TLL2: variants seen among roughly 807,000 people sequenced by gnomAD.
TLL2 encodes tolloid-like protein 2.
In TLL2, 106 loss-of-function variants were observed where a neutral mutation model predicts 123.0. The ratio of observed to expected loss-of-function variants is 0.86; its 90% CI spans 0.74 to 1.01. TLL2 has a LOEUF of 1.01. Among genes scored for constraint, TLL2 ranks in the 50% least tolerant of loss-of-function variants. The probability of loss-of-function intolerance (pLI) is 0.00; values close to 1 mark genes in which losing one functional copy is unlikely to be tolerated. For synonymous variants in TLL2, 494 were observed against 516.8 expected (o/e 0.96, Z 0.60); for missense variants, 1,332 against 1,336.7 (o/e 1.00, Z 0.06).
chr10:96,399,134 G>C (rs1213703938), intron 10 of TLL2, among the ~76,000 whole-genome samples: 1 of 152,116 alleles, frequency 6.6e-6, no homozygotes, highest in African/African-American at 2.4e-5. Flanking sequence ...GCTTCCCAAA[G>C]TGCTGGGTTT....
At chr10:96,410,559 A>T in intron 8 of TLL2, 85 bp from the exon 9 acceptor site, 2 of 1,058,626 alleles carry the variant, frequency 1.9e-6, no homozygotes, top group South Asian at 1.3e-5. Context: ...CGGAGCAAAC[A>T]TACCCCTTTG....
intron 2 of TLL2, among the ~76,000 whole-genome samples, chr10:96,447,852 C>A (rs1269836721): frequency 1.3e-5 from 2 of 152,110 alleles, no homozygotes; most frequent in Non-Finnish European, 1.5e-5. Context: ...AATGTTTAAC[C>A]CAGGGTTGCC....
At chr10:96,495,417 C>T (rs1454577777) in intron 1 of TLL2, among the ~76,000 whole-genome samples, 3 of 152,002 alleles carry the variant, frequency 2.0e-5, no homozygotes, top group East Asian at 1.9e-4. Context: ...AAAAGTTAAT[C>T]GGCTTAAAGT....
intron 2 of TLL2, among the ~76,000 whole-genome samples, chr10:96,451,204 C>G (rs1040266459): frequency 6.6e-6 from 1 of 152,202 alleles, no homozygotes; most frequent in African/African-American, 2.4e-5. Context: ...TTCTAATTCA[C>G]CATATAATTC....
chr10:96,453,858 TG>T (rs1846984415), intron 2 of TLL2, among the ~76,000 whole-genome samples: 1 of 152,180 alleles, frequency 6.6e-6, no homozygotes, highest in African/African-American at 2.4e-5. Context: ...TTATCTCTGG[TG>T]GTGACTCTGG....
At chr10:96,396,438 C>T (rs1214757597) in intron 11 of TLL2, among the ~76,000 whole-genome samples, 2 of 152,246 alleles carry the variant, frequency 1.3e-5, no homozygotes, top group South Asian at 2.1e-4. Context: ...CGCACACGTG[C>T]ACACATGCGC....
At chr10:96,426,625 G>A (rs1846680016) in intron 5 of TLL2, among the ~76,000 whole-genome samples, 2 of 152,116 alleles carry the variant, frequency 1.3e-5, no homozygotes, top group Admixed American at 1.3e-4. Flanking sequence ...TTACCTTGAA[G>A]ACTTTCACAT....
At chr10:96,428,499 GA>G (rs1414994646) in intron 5 of TLL2, 131 bp downstream of exon 5, 1 of 642,314 alleles carries the variant, frequency 1.6e-6, no homozygotes, top group African/African-American at 1.9e-5. Flanking sequence ...ACCAAGGGCA[GA>G]AAGTTTCTAG....
At chr10:96,421,664 A>T (rs1254438655) in intron 6 of TLL2, among the ~76,000 whole-genome samples, 2 of 62,338 alleles carry the variant, frequency 3.2e-5, no homozygotes, top group Non-Finnish European at 7.7e-5. Context: ...ACTCTGTCTC[A>T]AAAAAAAAAA....
intron 2 of TLL2, among the ~76,000 whole-genome samples, chr10:96,467,646 CA>C (rs1847143412): frequency 6.6e-6 from 1 of 152,146 alleles, no homozygotes; most frequent in African/African-American, 2.4e-5. Context: ...TTGGAGGCTA[CA>C]TAAGTAAAAA....
intron 5 of TLL2, 22 bp from the exon 6 acceptor site, chr10:96,422,749 C>T (rs1278228302): frequency 1.2e-6 from 2 of 1,613,510 alleles, no homozygotes; most frequent in Non-Finnish European, 8.5e-7. Context: ...CAGGAATACC[C>T]AGGTCAGCAG....
rs113615659 is a variant in TLL2, at chr10:96,436,690, C to CT, written c.365-3729dup. On this transcript the variant is annotated intron_variant, in intron 3 of 20. Coordinates refer to ENST00000357947, the MANE Select transcript of TLL2 (RefSeq NM_012465.4). ...TTGTCTGATATAAATATTGCTATAC[C>CT]TTTTTTTTTTTCTGAGTCAGGGTCT... is the stretch of plus-strand genomic sequence containing the variant. 9.0e-3 allele frequency among the ~76,000 whole-genome samples: 1,329 copies of CT among 146,864 alleles called. 15 individuals carry two copies. The highest frequency in any genetic ancestry group is 0.03 in the African/African-American group (1,195 of 40,278).
intron 13 of TLL2, among the ~76,000 whole-genome samples, chr10:96,393,667 C>T (rs1224864990): frequency 6.6e-6 from 1 of 152,152 alleles, no homozygotes; most frequent in Non-Finnish European, 1.5e-5. Flanking sequence ...GTCATATCTT[C>T]CCTGTGCAAT....
chr10:96,459,686 AAAAAAAAAAAAAAAAAAAAATATAT>A (rs1365466449), intron 2 of TLL2, among the ~76,000 whole-genome samples: 4 of 56,984 alleles, frequency 7.0e-5, no homozygotes, highest in Admixed American at 2.3e-4. Context: ...AAAAAAAAAA[AAAAAAAAAAAAAAAAAAAAATATAT>A]ATATATATAT....
chr10:96,385,904 A>T (rs894949203), intron 15 of TLL2, 151 bp downstream of exon 15: 8 of 739,466 alleles, frequency 1.1e-5, no homozygotes, highest in African/African-American at 1.8e-5. Context: ...TGGAGAAAAC[A>T]TTCCCCCAGA....
intron 4 of TLL2, among the ~76,000 whole-genome samples, chr10:96,430,156 CT>C (rs545241220): frequency 1.5e-3 from 236 of 152,304 alleles, no homozygotes; most frequent in Middle Eastern, 6.8e-3. Context: ...GGAGGTGGGC[CT>C]GGTGGGAGGT....
At chr10:96,493,061 T>C (rs909683689) in intron 1 of TLL2, among the ~76,000 whole-genome samples, 3 of 152,144 alleles carry the variant, frequency 2.0e-5, no homozygotes, top group African/African-American at 7.2e-5. Flanking sequence ...ACCAGTGCAC[T>C]GAAGAGAAAG....
chr10:96,407,735 AC>A (rs1846464435), intron 9 of TLL2, among the ~76,000 whole-genome samples: 1 of 152,102 alleles, frequency 6.6e-6, no homozygotes, highest in African/African-American at 2.4e-5. Context: ...CACATCTTCC[AC>A]AAAGCCCTGC....
At chr10:96,368,699 C>G (rs1846051501) in intron 20 of TLL2, among the ~76,000 whole-genome samples, 1 of 152,170 alleles carries the variant, frequency 6.6e-6, no homozygotes, top group Non-Finnish European at 1.5e-5. Context: ...AGACCTGAAA[C>G]AAAGACCATG....
Sources: gnomAD v4.1 joint callset for allele counts (sites outside exome capture counted in the v4.1 genomes callset) on GRCh38, gnomAD v4.1.1 for gene constraint, MANE v1.5 for transcripts, NCBI Gene and HGNC (gene_info 2026-07-23, HGNC 2026-07-21) for gene names.